The following CD8B2 variants were observed in gnomAD, a reference collection of about 807,000 sequenced individuals.
The protein encoded by CD8B2 is CD8B family member 2.
In CD8B2, 11 loss-of-function variants were observed where a neutral mutation model predicts 23.7. The observed-to-expected ratio is 0.46, with a 90% CI of 0.29 to 0.77. The LOEUF (loss-of-function observed/expected upper bound fraction) is 0.77. CD8B2 is among the 30% of genes least tolerant of loss of function. The probability of loss-of-function intolerance (pLI) is 0.09; values close to 1 mark genes in which losing one functional copy is unlikely to be tolerated. For synonymous variants in CD8B2, 90 were observed against 109.3 expected, an observed-to-expected ratio of 0.82 and a Z score of 1.10; for missense variants, 197 against 270.5, an observed-to-expected ratio of 0.73 and a Z score of 1.91.
downstream of CD8B2, among the ~76,000 whole-genome samples, chr2:106,511,937 A>G (rs1210657649): frequency 6.6e-6 from 1 of 152,202 alleles, no homozygotes; most frequent in Non-Finnish European, 1.5e-5. Context: ...TGAAAAAGAC[A>G]CTTACATCCT....
At chr2:106,540,192 TA>T (rs200911543) in intron 5 of CD8B2, among the ~76,000 whole-genome samples, 13 of 150,206 alleles carry the variant, frequency 8.7e-5, no homozygotes, top group Non-Finnish European at 1.2e-4. Context: ...CCTCTCAAAT[TA>T]AAAAAAATAT....
chr2:106,512,117 C>T (rs1362019713), downstream of CD8B2, among the ~76,000 whole-genome samples: 2 of 152,194 alleles, frequency 1.3e-5, no homozygotes, highest in African/African-American at 4.8e-5. Context: ...GCTCTGTCAC[C>T]CAGGGTGGAG....
chr2:106,519,062 T>TCATC (rs142808385), intron 5 of CD8B2, among the ~76,000 whole-genome samples: 3,060 of 151,990 alleles, frequency 0.02, 97 homozygotes, highest in African/African-American at 0.064. Flanking sequence ...CACTGCTCCA[T>TCATC]CATCCATCCA....
chr2:106,491,679 C>G (rs1009626186), intron 2 of CD8B2, among the ~76,000 whole-genome samples: 1 of 152,090 alleles, frequency 6.6e-6, no homozygotes, highest in African/African-American at 2.4e-5. Context: ...TCCTGAGTAG[C>G]TGGGATTACA....
chr2:106,502,785 C>T (rs923382890), intron 4 of CD8B2, among the ~76,000 whole-genome samples: 3 of 151,968 alleles, frequency 2.0e-5, no homozygotes, highest in African/African-American at 7.3e-5. Flanking sequence ...TTGAGTGCAA[C>T]GTGGCTGTTT....
At chr2:106,542,921 G>C (rs1680199598) in intron 5 of CD8B2, 1 of 152,090 alleles carries the variant, frequency 6.6e-6, no homozygotes, top group African/African-American at 2.4e-5. Context: ...GCTAGACTCT[G>C]CTGCCCCCGT....
chr2:106,528,946 G>A (rs944765733), intron 5 of CD8B2, among the ~76,000 whole-genome samples: 7 of 152,296 alleles, frequency 4.6e-5, no homozygotes, highest in East Asian at 1.9e-4. Context: ...GTAATTTCCC[G>A]TTTTCTCGAC....
intron 5 of CD8B2, among the ~76,000 whole-genome samples, chr2:106,538,236 G>A (rs999830984): frequency 1.3e-5 from 2 of 152,164 alleles, no homozygotes; most frequent in Non-Finnish European, 2.9e-5. Flanking sequence ...GGAAAATACG[G>A]TATAGGCAGG....
chr2:106,533,472 A>G (rs1051740619), intron 5 of CD8B2, among the ~76,000 whole-genome samples: 1 of 152,082 alleles, frequency 6.6e-6, no homozygotes, highest in African/African-American at 2.4e-5. Flanking sequence ...TGAACTGTGA[A>G]ATCCTATGCC....
intron 5 of CD8B2, among the ~76,000 whole-genome samples, chr2:106,517,878 A>G (rs12472171): frequency 0.29 from 43,340 of 151,678 alleles, 6,460 homozygotes; most frequent in African/African-American, 0.33. Context: ...ACGCCCGGCT[A>G]ATTTTTTTTG....
intron 2 of CD8B2, among the ~76,000 whole-genome samples, chr2:106,494,814 C>T (rs1273211069): frequency 6.6e-6 from 1 of 152,172 alleles, no homozygotes; most frequent in Non-Finnish European, 1.5e-5. Flanking sequence ...GGGCCAGCTC[C>T]CCTTGTCTCT....
At chr2:106,541,217 C>T (rs1343197264) in intron 5 of CD8B2, among the ~76,000 whole-genome samples, 2 of 152,284 alleles carry the variant, frequency 1.3e-5, no homozygotes, top group African/African-American at 2.4e-5. Flanking sequence ...CCCACTAACT[C>T]TAGATCCCTC....
intron 5 of CD8B2, among the ~76,000 whole-genome samples, chr2:106,540,183 C>T (rs911439958): frequency 7.3e-5 from 11 of 150,662 alleles, no homozygotes; most frequent in African/African-American, 1.2e-4. Flanking sequence ...TTATGTAGAC[C>T]TCTCAAATTA....
chr2:106,505,395 CAGCA>C (rs1445153450), intron 5 of CD8B2, among the ~76,000 whole-genome samples: 2 of 152,116 alleles, frequency 1.3e-5, no homozygotes, highest in African/African-American at 2.4e-5. Flanking sequence ...ATGTGACAGC[CAGCA>C]AGTCACTTCA....
intron 5 of CD8B2, among the ~76,000 whole-genome samples, chr2:106,536,881 G>A (rs1680098494): frequency 6.6e-6 from 1 of 152,222 alleles, no homozygotes; most frequent in African/African-American, 2.4e-5. Flanking sequence ...TGGACTGACA[G>A]CTCTGTTACC....
intron 5 of CD8B2, among the ~76,000 whole-genome samples, chr2:106,525,055 A>G (rs1320572649): frequency 1.3e-5 from 2 of 152,150 alleles, no homozygotes; most frequent in Admixed American, 1.3e-4. Flanking sequence ...GGAGACACCA[A>G]CTGGAACCAA....
rs1573337377 is a variant in CD8B2, at chr2:106,506,936, A to C, written c.629A>C (p.Lys210Thr). The C allele has an allele frequency of 6.3e-7, 1 of 1,599,894 alleles. No individual in the cohort carries two copies. The highest frequency in any genetic ancestry group is 1.3e-5 in the African/African-American group (1 of 74,380). The change falls in exon 6 of 6, where the codon AAA (lysine) becomes ACA (threonine). Residue 210 changes from lysine (K) to threonine (T), a missense_variant. Physicochemically the swap from Lys to Thr is moderately conservative, Grantham distance 78. Coordinates refer to ENST00000643224, the MANE Select transcript of CD8B2 (RefSeq NM_001349727.2). ...CTTGCTGTTGTTTTCAGATTTTACA[A>C]ATGAGCAGAGAATACGGTTTTGGTG... is the stretch of plus-strand genomic sequence containing the variant. ...ARLRFMKQFY[K>T]
intron 3 of CD8B2, among the ~76,000 whole-genome samples, chr2:106,498,440 G>A (rs1219221176): frequency 2.0e-5 from 3 of 152,174 alleles, no homozygotes; most frequent in Non-Finnish European, 2.9e-5. Context: ...GAGCCACTAC[G>A]CCTGGCCTCT....
chr2:106,504,255 C>T lies in CD8B2; in HGVS notation c.584-34C>T. On this transcript the variant is annotated intron_variant, in intron 4 of 5. Transcript: ENST00000643224. ...GGGCTCAGCACAGTGACCCACAGCC[C>T]ACACTGACTGGCGCCCTTGCTTTCC... 2.6e-6 allele frequency: 4 copies of T among 1,554,778 alleles called. No individual in the cohort carries two copies. In the South Asian group the frequency reaches 4.7e-5, roughly 18 times the overall value.
Sources: gnomAD v4.1 joint callset for allele counts (sites outside exome capture counted in the v4.1 genomes callset) on GRCh38, gnomAD v4.1.1 for gene constraint, MANE v1.5 for transcripts, NCBI Gene and HGNC (gene_info 2026-07-23, HGNC 2026-07-21) for gene names.